DNAH6: variants seen among roughly 807,000 people sequenced by gnomAD.
DNAH6 encodes the protein dynein axonemal heavy chain 6.
In DNAH6, 340 loss-of-function variants were observed where a neutral mutation model predicts 491.4. The ratio of observed to expected loss-of-function variants is 0.69; its 90% CI spans 0.63 to 0.76. DNAH6 has a LOEUF of 0.76. Ranked by LOEUF, DNAH6 falls within the 30% of genes least tolerant of loss-of-function variation. The pLI is 0.00. For missense variants in DNAH6, 4,443 were observed against 4,972.2 expected (o/e 0.89, Z 3.20); for synonymous variants, 1,603 against 1,686.1 (o/e 0.95, Z 1.21).
rs914079967 is a variant in DNAH6, at chr2:84,812,976, A to T, written c.11926-82A>T. On this transcript the variant is annotated intron_variant, in intron 73 of 76. Coordinates refer to ENST00000389394, the MANE Select transcript of DNAH6 (RefSeq NM_001370.2). Reference sequence around the variant, plus strand: ...TGCTTTAGATTCTGCCTCCTGAGAAACTCTCCCCAAATAGGACTTTGCTTT... The same window carrying T: ...TGCTTTAGATTCTGCCTCCTGAGAATCTCTCCCCAAATAGGACTTTGCTTT... 2.5e-5 allele frequency: 30 copies of T among 1,200,268 alleles called. 1 individual carries two copies. The South Asian group carries it at 4.0e-4, about 16-fold the overall frequency. 74.4% of individuals were successfully genotyped at this position (1,200,268 alleles called of 1,614,324 possible).
At chr2:84,690,612 A>G (rs929037787) in intron 45 of DNAH6, among the ~76,000 whole-genome samples, 2 of 152,242 alleles carry the variant, frequency 1.3e-5, no homozygotes, top group African/African-American at 4.8e-5. Flanking sequence ...TGCTTAAAAT[A>G]TTATGGACGG....
At chr2:84,500,956 T>A in the DNAH6 span, among the ~76,000 whole-genome samples, 1 of 152,204 alleles carries the variant, frequency 6.6e-6, no homozygotes, top group African/African-American at 2.4e-5. Context: ...ATATATAAGA[T>A]CATACTGTCT....
rs144929062 is a variant in DNAH6 at position 84,568,993 on chromosome 2, A to G, written c.1804-4474A>G. On this transcript the variant is annotated intron_variant, in intron 11 of 76. Coordinates refer to ENST00000389394, the MANE Select transcript of DNAH6 (RefSeq NM_001370.2). ...TTTTGCAAAACAAAACTATACATGC[A>G]TTTACCTTTTGATCCAACAATACAA... 6.6e-4 allele frequency among the ~76,000 whole-genome samples: 101 copies of G among 152,336 alleles called. 1 individual carries two copies. Among genetic ancestry groups the G allele is most frequent in the African/African-American group, 2.3e-3 (95 of 41,584 alleles).
At chr2:84,483,605 GAT>G in the DNAH6 span, among the ~76,000 whole-genome samples, 4 of 151,910 alleles carry the variant, frequency 2.6e-5, no homozygotes, top group African/African-American at 7.3e-5. Context: ...ACCTCCCCGA[GAT>G]ATATAATCAC....
At chr2:84,744,187 A>G (rs1005118702) in intron 62 of DNAH6, among the ~76,000 whole-genome samples, 1 of 152,248 alleles carries the variant, frequency 6.6e-6, no homozygotes, top group Non-Finnish European at 1.5e-5. Context: ...CCCCCAGAGG[A>G]GAGCCCCTGC....
the DNAH6 span, among the ~76,000 whole-genome samples, chr2:84,505,547 T>C: frequency 6.6e-6 from 1 of 152,202 alleles, no homozygotes; most frequent in Non-Finnish European, 1.5e-5. Flanking sequence ...TTAATGTTTT[T>C]ATTTTTTTAA....
chr2:84,610,086 A>G (rs1338584631), intron 21 of DNAH6, among the ~76,000 whole-genome samples: 4 of 152,080 alleles, frequency 2.6e-5, no homozygotes, highest in Non-Finnish European at 5.9e-5. Context: ...CTGGGGAATG[A>G]TCCACTTCCA....
chr2:84,493,798 C>T, the DNAH6 span, among the ~76,000 whole-genome samples: 1 of 152,092 alleles, frequency 6.6e-6, no homozygotes, highest in African/African-American at 2.4e-5. Flanking sequence ...CAGCTTCAGG[C>T]CCAAAGATGA....
At chr2:84,605,633 A>T in intron 20 of DNAH6, 41 bp downstream of exon 20, 1 of 1,258,628 alleles carries the variant, frequency 7.9e-7, no homozygotes. Flanking sequence ...TAAAGATCCC[A>T]GCCACACCTA....
intron 20 of DNAH6, among the ~76,000 whole-genome samples, chr2:84,606,050 T>C (rs991780058): frequency 3.9e-5 from 6 of 152,198 alleles, no homozygotes; most frequent in South Asian, 2.1e-4. Flanking sequence ...CTTGAGTTTA[T>C]TGGAATTAGG....
chr2:84,728,602 A>C (rs1216924699), intron 61 of DNAH6, among the ~76,000 whole-genome samples: 1 of 152,352 alleles, frequency 6.6e-6, no homozygotes, highest in Non-Finnish European at 1.5e-5. Context: ...ATCCAATAAA[A>C]GTTGTAATTC....
chr2:84,730,508 G>A (rs1699034723), intron 61 of DNAH6, among the ~76,000 whole-genome samples: 1 of 151,882 alleles, frequency 6.6e-6, no homozygotes, highest in Non-Finnish European at 1.5e-5. Context: ...ACTTGTCTTG[G>A]GCCACACTCA....
At position 84,773,581 on chromosome 2, in the gene DNAH6, C is replaced by G. The variant is rs560985579; in HGVS notation, c.10704-7912C>G. On this transcript the variant is annotated intron_variant, in intron 64 of 76. Transcript: ENST00000389394. ...AATTGATTTTCTTTTGGATATATAC[C>G]CATTAATGGGAATGGTGGATTGAAC... Among the ~76,000 whole-genome samples, 16 of 151,952 alleles carry G rather than the reference C, an allele frequency of 1.1e-4. No individual in the cohort carries two copies. The South Asian group carries it at 3.3e-3, about 32-fold the overall frequency.
At chr2:84,681,066 C>A (rs1324626140) in intron 41 of DNAH6, among the ~76,000 whole-genome samples, 1 of 152,054 alleles carries the variant, frequency 6.6e-6, no homozygotes, top group Non-Finnish European at 1.5e-5. Flanking sequence ...TTCGTGATGA[C>A]CCCTTGGACT....
intron 64 of DNAH6, among the ~76,000 whole-genome samples, chr2:84,766,370 T>C (rs1027295678): frequency 6.6e-6 from 1 of 152,192 alleles, no homozygotes; most frequent in Non-Finnish European, 1.5e-5. Context: ...GAATCTATCT[T>C]AAAACATTAT....
intron 33 of DNAH6, among the ~76,000 whole-genome samples, chr2:84,646,610 T>C (rs1558847635): frequency 1.3e-5 from 2 of 152,202 alleles, no homozygotes; most frequent in Non-Finnish European, 2.9e-5. Flanking sequence ...ATTGCTGCTA[T>C]GGAGAAAGTT....
Position 84,785,675 on chromosome 2 carries a change from T to C in DNAH6, c.11019T>C (p.Pro3673=). 1 of 1,548,552 alleles carries C rather than the reference T, an allele frequency of 6.5e-7. No individual in the cohort carries two copies. Among genetic ancestry groups the C allele is most frequent in the Non-Finnish European group, 8.7e-7 (1 of 1,146,038 alleles). The change falls in exon 67 of 77, where the codon CCT becomes CCC. Residue 3673 remains proline (P), a synonymous_variant. Transcript: ENST00000389394. ...GACGAGCATTTACTGAAATGACACC[T>C]TCGTTTTTTGAAGAAAATATACTTG... ...NIRRAFTEMT[P]SFFEENILGK...
At chr2:84,699,794 A>C in intron 48 of DNAH6, 60 bp downstream of exon 48, 1 of 1,514,032 alleles carries the variant, frequency 6.6e-7, no homozygotes, top group Non-Finnish European at 8.9e-7. Flanking sequence ...TTAAAGGGGT[A>C]ACACATTGTC....
chr2:84,618,608 GA>G (rs34717024), intron 23 of DNAH6, among the ~76,000 whole-genome samples: 10,830 of 138,360 alleles, frequency 0.078, 1,202 homozygotes, highest in African/African-American at 0.26. Context: ...CCCGTGATTG[GA>G]AAAAAAAAAA....
Sources: allele counts gnomAD v4.1 joint callset (sites outside exome capture counted in the v4.1 genomes callset), GRCh38; gene constraint gnomAD v4.1.1; transcripts MANE v1.5; gene names NCBI Gene and HGNC (gene_info 2026-07-23, HGNC 2026-07-21).